The following EYS variants were observed in gnomAD, a reference collection of about 807,000 sequenced individuals.
The protein encoded by EYS is protein eyes shut homolog.
In EYS, 250 loss-of-function variants were observed where a neutral mutation model predicts 282.1. That is an observed-to-expected ratio of 0.89 (90% CI 0.80 to 0.98). EYS has a LOEUF of 0.98. EYS is among the 50% of genes least tolerant of loss of function. The pLI is 0.00. For synonymous variants in EYS, 1,355 were observed against 1,282.9 expected (o/e 1.06, Z -1.20); for missense variants, 4,016 against 3,709.0 (o/e 1.08, Z -2.15).
At chr6:64,992,556 A>G (rs1771099754) in intron 14 of EYS, among the ~76,000 whole-genome samples, 1 of 151,946 alleles carries the variant, frequency 6.6e-6, no homozygotes, top group Admixed American at 6.6e-5. Flanking sequence ...ATATTTCAGG[A>G]TGGATTAATT....
intron 33 of EYS, among the ~76,000 whole-genome samples, chr6:64,045,792 A>ATT (rs1160004508): frequency 2.7e-5 from 4 of 150,632 alleles, no homozygotes; most frequent in Admixed American, 1.3e-4. Flanking sequence ...AATATGTAAT[A>ATT]TTATATATAT....
intron 26 of EYS, among the ~76,000 whole-genome samples, chr6:64,449,817 G>A (rs1296185497): frequency 6.6e-6 from 1 of 152,170 alleles, no homozygotes; most frequent in Admixed American, 6.5e-5. Flanking sequence ...GAGGGATTTT[G>A]TCACCACCAG....
chr6:65,662,480 A>T (rs1768041944), intron 1 of EYS, among the ~76,000 whole-genome samples: 1 of 152,162 alleles, frequency 6.6e-6, no homozygotes, highest in Non-Finnish European at 1.5e-5. Context: ...AAAACAAAAG[A>T]ATTTAGAACA....
At chr6:63,921,800 A>ACATTCT (rs1764580465) in intron 35 of EYS, among the ~76,000 whole-genome samples, 1 of 152,234 alleles carries the variant, frequency 6.6e-6, no homozygotes, top group African/African-American at 2.4e-5. Context: ...TAGAATGGAA[A>ACATTCT]GTGTTGAGAG....
At chr6:64,226,697 T>C (rs1320691799) in intron 31 of EYS, among the ~76,000 whole-genome samples, 2 of 152,070 alleles carry the variant, frequency 1.3e-5, no homozygotes, top group Non-Finnish European at 2.9e-5. Context: ...AGATAGCATG[T>C]GTTGAAGAAA....
At chr6:64,644,434 GA>G (rs1768281391) in intron 22 of EYS, among the ~76,000 whole-genome samples, 1 of 152,102 alleles carries the variant, frequency 6.6e-6, no homozygotes, top group Non-Finnish European at 1.5e-5. Flanking sequence ...ATTAAGATAG[GA>G]GATTATTTCT....
intron 30 of EYS, among the ~76,000 whole-genome samples, chr6:64,293,820 A>C (rs1052081892): frequency 2.6e-5 from 4 of 152,106 alleles, no homozygotes; most frequent in Non-Finnish European, 4.4e-5. Flanking sequence ...ATTTCTAATA[A>C]GGCTATTCAG....
At chr6:64,832,405 G>T (rs1765251117) in intron 19 of EYS, among the ~76,000 whole-genome samples, 1 of 151,756 alleles carries the variant, frequency 6.6e-6, no homozygotes, top group Non-Finnish European at 1.5e-5. Context: ...CAAACTTATA[G>T]ACACAGATAG....
At chr6:64,149,792 CTA>C (rs1239515701) in intron 31 of EYS, among the ~76,000 whole-genome samples, 3 of 152,200 alleles carry the variant, frequency 2.0e-5, no homozygotes, top group African/African-American at 7.2e-5. Context: ...TATATTGTCT[CTA>C]TGTCTGAGTT....
chr6:65,313,345 G>T (rs1411845845), intron 11 of EYS, among the ~76,000 whole-genome samples: 2 of 151,524 alleles, frequency 1.3e-5, no homozygotes, highest in Admixed American at 6.6e-5. Flanking sequence ...GAAGTGACCC[G>T]ATACATGCGT....
At chr6:65,384,097 G>T (rs974439021) in intron 8 of EYS, among the ~76,000 whole-genome samples, 1 of 151,792 alleles carries the variant, frequency 6.6e-6, no homozygotes, top group Non-Finnish European at 1.5e-5. Context: ...AGAGCTTAAA[G>T]TATTAGTAAC....
intron 36 of EYS, among the ~76,000 whole-genome samples, chr6:63,810,260 C>T (rs1053622285): frequency 1.9e-5 from 1 of 53,770 alleles, no homozygotes; most frequent in Non-Finnish European, 3.6e-5. Context: ...GATTCCATCT[C>T]AAAAAAAAAA....
intron 24 of EYS, among the ~76,000 whole-genome samples, chr6:64,594,056 C>T (rs929661895): frequency 2.0e-5 from 3 of 152,114 alleles, no homozygotes; most frequent in South Asian, 4.1e-4. Context: ...ACCTAATAGG[C>T]ATCCCTGCTT....
intron 28 of EYS, among the ~76,000 whole-genome samples, chr6:64,427,727 A>G (rs926526536): frequency 3.3e-5 from 5 of 152,148 alleles, no homozygotes; most frequent in African/African-American, 4.8e-5. Context: ...ATGAGAAAGC[A>G]CATGAAAGCA....
At chr6:64,577,852 G>A (rs971225989) in intron 26 of EYS, among the ~76,000 whole-genome samples, 4 of 152,028 alleles carry the variant, frequency 2.6e-5, no homozygotes, top group Admixed American at 6.6e-5. Context: ...TACTTGTAGC[G>A]TGTCTAAAAA....
chr6:64,586,624 C>A (rs1766241984), intron 26 of EYS, among the ~76,000 whole-genome samples: 1 of 151,918 alleles, frequency 6.6e-6, no homozygotes, highest in Non-Finnish European at 1.5e-5. Context: ...AATAAAATAT[C>A]AATTGAGTGT....
intron 11 of EYS, among the ~76,000 whole-genome samples, chr6:65,328,749 G>GTTT (rs146611743): frequency 2.7e-5 from 4 of 150,582 alleles, no homozygotes; most frequent in Admixed American, 6.6e-5. Flanking sequence ...ATAATTATTA[G>GTTT]TTTTTTATCA....
At chr6:65,565,405 C>A (rs143201047) in intron 2 of EYS, among the ~76,000 whole-genome samples, 2,072 of 152,148 alleles carry the variant, frequency 0.014, 36 homozygotes, top group Non-Finnish European at 0.018. Context: ...GAGATACCAT[C>A]TTACGCCAGT....
chr6:64,890,712 G>A (rs1029433774), intron 18 of EYS, among the ~76,000 whole-genome samples: 8 of 151,764 alleles, frequency 5.3e-5, no homozygotes, highest in Admixed American at 1.3e-4. Flanking sequence ...TGTACCTTAC[G>A]CTTCTGATTT....
Sources: allele counts gnomAD v4.1 joint callset (sites outside exome capture counted in the v4.1 genomes callset), GRCh38; gene constraint gnomAD v4.1.1; transcripts MANE v1.5; gene names NCBI Gene and HGNC (gene_info 2026-07-23, HGNC 2026-07-21).